Variants in ATG7 observed in about 807,000 individuals in gnomAD.
ATG7 encodes the protein ubiquitin-like modifier-activating enzyme ATG7.
In ATG7, 70 loss-of-function variants were observed where a neutral mutation model predicts 82.4. The ratio of observed to expected loss-of-function variants is 0.85; its 90% CI spans 0.70 to 1.04. ATG7 has a LOEUF of 1.04. Among genes scored for constraint, ATG7 ranks in the 50% least tolerant of loss-of-function variants. The pLI is 0.00. For synonymous variants in ATG7, 287 were observed against 313.0 expected, an observed-to-expected ratio of 0.92 and a Z score of 0.88; for missense variants, 792 against 864.3, an observed-to-expected ratio of 0.92 and a Z score of 1.05.
chr3:11,512,001 A>G (rs2092088858), intron 20 of ATG7, among the ~76,000 whole-genome samples: 1 of 152,150 alleles, frequency 6.6e-6, no homozygotes, highest in Non-Finnish European at 1.5e-5. Flanking sequence ...CTGCAAGCTG[A>G]GGGAGTGGGC....
chr3:11,330,625 T>C (rs1951512231), intron 9 of ATG7, among the ~76,000 whole-genome samples: 1 of 152,180 alleles, frequency 6.6e-6, no homozygotes, highest in African/African-American at 2.4e-5. Context: ...TTTATTTTCT[T>C]GGAGAATGGT....
At chr3:11,304,121 C>T in intron 5 of ATG7, among the ~76,000 whole-genome samples, 1 of 152,014 alleles carries the variant, frequency 6.6e-6, no homozygotes, top group African/African-American at 2.4e-5. Context: ...CTTTTCTATG[C>T]CTCAAGTTGG....
chr3:11,474,330 G>A (rs1368881292), intron 20 of ATG7, among the ~76,000 whole-genome samples: 2 of 152,252 alleles, frequency 1.3e-5, no homozygotes, highest in African/African-American at 2.4e-5. Flanking sequence ...CTGGTGCGGT[G>A]TTTCACACCT....
intron 18 of ATG7, among the ~76,000 whole-genome samples, chr3:11,378,923 G>A (rs1420765488): frequency 6.6e-6 from 1 of 152,078 alleles, no homozygotes; most frequent in East Asian, 1.9e-4. Flanking sequence ...AACGGTGGTG[G>A]ATCGGGTCTT....
chr3:11,559,508 C>A, downstream of ATG7: 1 of 1,495,696 alleles, frequency 6.7e-7, no homozygotes, highest in Non-Finnish European at 8.9e-7. Context: ...TACCGGGCAC[C>A]ACCCCTGGGG....
At chr3:11,562,463 G>A (rs1367512036), downstream of ATG7, among the ~76,000 whole-genome samples, 10 of 152,178 alleles carry the variant, frequency 6.6e-5, no homozygotes, top group Non-Finnish European at 1.5e-4. Flanking sequence ...TGTGGACACA[G>A]AGCTTTGCTG....
At chr3:11,278,918 T>C (rs1411447689) in intron 1 of ATG7, among the ~76,000 whole-genome samples, 1 of 152,150 alleles carries the variant, frequency 6.6e-6, no homozygotes, top group Admixed American at 6.5e-5. Flanking sequence ...AAGTGATGAT[T>C]GAGCTGTGAT....
chr3:11,301,251 G>A (rs1342648758), intron 5 of ATG7, among the ~76,000 whole-genome samples: 1 of 152,154 alleles, frequency 6.6e-6, no homozygotes, highest in Non-Finnish European at 1.5e-5. Flanking sequence ...GAGAAAGAGG[G>A]TGGAGCTGAA....
chr3:11,450,805 T>A (rs765346152), intron 20 of ATG7, among the ~76,000 whole-genome samples: 1 of 152,232 alleles, frequency 6.6e-6, no homozygotes, highest in Non-Finnish European at 1.5e-5. Context: ...AAGATCGTAT[T>A]TTCTGATACC....
intron 18 of ATG7, among the ~76,000 whole-genome samples, chr3:11,366,983 G>GTGTGTC (rs1391821059): frequency 7.3e-6 from 1 of 137,416 alleles, no homozygotes. Context: ...GTGTGTGTGT[G>GTGTGTC]TGTGTGTGTG....
In ATG7 at chr3:11,354,650, CAAAAAAA is replaced by C. The variant is rs5846706; in HGVS notation, c.1285-3749_1285-3743del. The stretch of plus-strand genomic sequence containing the variant: ...GTCACAGAGTGAGACTCCATCTCAC[CAAAAAAA>C]AAAAAAAAAAAAAAAAAAGATGTTG... On this transcript the variant is annotated intron_variant, in intron 14 of 20. Coordinates refer to ENST00000693202, the MANE Select transcript of ATG7 (RefSeq NM_001349232.2). Among the ~76,000 whole-genome samples, 10 of 61,954 alleles carry C rather than the reference CAAAAAAA, an allele frequency of 1.6e-4. No individual in the cohort carries two copies. The East Asian group carries it at 4.3e-3, about 26-fold the overall frequency. 40.6% of individuals were successfully genotyped at this position (61,954 alleles called of 152,430 possible).
chr3:11,340,709 C>A lies in ATG7; in HGVS notation c.954C>A (p.Asn318Lys). Residue 318 changes from asparagine to lysine, a missense_variant, in exon 12 of 21, where the codon AAC (asparagine) becomes AAA (lysine). By Grantham distance (94) the Asn-to-Lys change is moderately conservative. Coordinates refer to ENST00000693202, the MANE Select transcript of ATG7 (RefSeq NM_001349232.2). ...QKGGMGPRMV[N>K]LSECMDPKRL... ...GAGGCATGGGACCAAGGATGGTGAA[C>A]CTCAGTGAATGTATGGACCCTAAAA... 1 of 1,613,712 alleles carries A rather than the reference C, an allele frequency of 6.2e-7. No homozygotes were observed.
chr3:11,559,957 C>G (rs573387862), downstream of ATG7, among the ~76,000 whole-genome samples: 5 of 152,120 alleles, frequency 3.3e-5, no homozygotes, highest in Non-Finnish European at 7.3e-5. Flanking sequence ...ACCTACAAAT[C>G]GGGACAGAGA....
intron 3 of ATG7, among the ~76,000 whole-genome samples, chr3:11,295,275 T>G (rs1945687164): frequency 6.6e-6 from 1 of 152,246 alleles, no homozygotes; most frequent in Non-Finnish European, 1.5e-5. Context: ...ATCAATTATA[T>G]AGAAAAATAA....
intron 14 of ATG7, among the ~76,000 whole-genome samples, chr3:11,350,037 C>T (rs372845176): frequency 6.6e-6 from 1 of 152,254 alleles, no homozygotes; most frequent in East Asian, 1.9e-4. Context: ...TTTGCTTATA[C>T]TTAAAGTGCC....
intron 20 of ATG7, among the ~76,000 whole-genome samples, chr3:11,466,418 C>G (rs1487963674): frequency 6.6e-6 from 1 of 152,216 alleles, no homozygotes; most frequent in East Asian, 1.9e-4. Flanking sequence ...TGAATACTTG[C>G]TTGGCAGAGA....
chr3:11,444,295 C>T (rs569239158), intron 20 of ATG7, among the ~76,000 whole-genome samples: 14 of 152,258 alleles, frequency 9.2e-5, no homozygotes, highest in Middle Eastern at 3.4e-3. Flanking sequence ...TGCAGCATTT[C>T]TCTGGGTGTT....
intron 20 of ATG7, among the ~76,000 whole-genome samples, chr3:11,472,925 C>A (rs776903962): frequency 6.6e-6 from 1 of 152,182 alleles, no homozygotes; most frequent in Admixed American, 6.5e-5. Flanking sequence ...GAGCTAGAAT[C>A]CTATTGTGAG....
At chr3:11,355,526 G>A (rs1452970087) in intron 14 of ATG7, among the ~76,000 whole-genome samples, 1 of 152,108 alleles carries the variant, frequency 6.6e-6, no homozygotes, top group Non-Finnish European at 1.5e-5. Flanking sequence ...GACACACAAA[G>A]CAACTTGTTT....
Sources: allele counts gnomAD v4.1 joint callset (sites outside exome capture counted in the v4.1 genomes callset), GRCh38; gene constraint gnomAD v4.1.1; transcripts MANE v1.5; gene names NCBI Gene and HGNC (gene_info 2026-07-23, HGNC 2026-07-21).